Variants in RSF1 observed in about 807,000 individuals in gnomAD.
RSF1 encodes remodeling and spacing factor 1.
RSF1 carries 13 observed loss-of-function variants against 145.2 expected under a neutral mutation model. The ratio of observed to expected loss-of-function variants is 0.09; its 90% confidence interval spans 0.06 to 0.14. The LOEUF (loss-of-function observed/expected upper bound fraction) is 0.14, where lower values mean the gene tolerates loss of function less well. Among genes scored for constraint, RSF1 ranks in the 10% least tolerant of loss-of-function variants. RSF1 has a pLI of 1.00. For synonymous variants in RSF1, 577 were observed against 592.6 expected (o/e 0.97, Z 0.38); for missense variants, 1,517 against 1,718.2 (o/e 0.88, Z 2.07).
intron 3 of RSF1, among the ~76,000 whole-genome samples, chr11:77,745,941 A>C (rs906994433): frequency 6.6e-6 from 1 of 152,016 alleles, no homozygotes; most frequent in Non-Finnish European, 1.5e-5. Flanking sequence ...TATGTATTAT[A>C]TCCACTTTCT....
intron 2 of RSF1, among the ~76,000 whole-genome samples, chr11:77,755,876 G>A (rs992540847): frequency 6.6e-6 from 1 of 152,034 alleles, no homozygotes; most frequent in African/African-American, 2.4e-5. Context: ...GAACTTAATA[G>A]CTGAGCTCTG....
chr11:77,868,701 T>G, the RSF1 span: 35,343 of 182,208 alleles, frequency 0.19, 3,312 homozygotes, highest in African/African-American at 0.23. Context: ...TGTTGTTGTT[T>G]TTTAACACAA....
In RSF1 at chr11:77,675,149, C is replaced by T. The variant is rs1328866981; in HGVS notation, c.3449G>A (p.Arg1150Gln). ...CTGCCTCATTGGCCGAGAGGGGTGT[C>T]GCCTCAGTCTACGGCTACAAAAGTC... The part of the protein sequence containing the change: ...DTDFCSRRLR[R>Q]HPSRPMRQSR... Residue 1150 changes from arginine to glutamine, a missense_variant, in exon 14 of 16, where the codon CGA becomes CAA. Arg to Gln is a conservative substitution (Grantham distance 43). Around this residue, in one of 12 missense-constraint regions of RSF1, gnomAD observed 231 missense variants for 276.6 expected, o/e 0.84. Coordinates refer to ENST00000308488, the MANE Select transcript of RSF1 (RefSeq NM_016578.4). 14 of 1,613,950 alleles carry T rather than the reference C, an allele frequency of 8.7e-6. No homozygotes were observed. The highest frequency in any genetic ancestry group is 1.7e-5 in the Admixed American group (1 of 59,998).
intron 5 of RSF1, 126 bp from the exon 6 acceptor site, chr11:77,702,621 T>C: frequency 2.0e-6 from 1 of 506,810 alleles, no homozygotes; most frequent in Non-Finnish European, 3.1e-6. Context: ...TGTCATTGGA[T>C]ATTTGACAGT....
chr11:77,817,293 T>C (rs10793264), intron 1 of RSF1, among the ~76,000 whole-genome samples: 38,732 of 152,210 alleles, frequency 0.25, 5,647 homozygotes, highest in South Asian at 0.49. Context: ...TGTATTACTG[T>C]TGGGCACTGC....
chr11:77,828,772 A>C, the RSF1 span, among the ~76,000 whole-genome samples: 3 of 152,222 alleles, frequency 2.0e-5, no homozygotes. Flanking sequence ...GGAAGATTTA[A>C]TATTGATAAG....
chr11:77,760,855 G>A (rs547646087), intron 2 of RSF1, among the ~76,000 whole-genome samples: 6 of 151,896 alleles, frequency 4.0e-5, no homozygotes, highest in African/African-American at 4.8e-5. Context: ...ATATGAATAC[G>A]ATCATCTCCT....
At chr11:77,799,559 C>T (rs887098348) in intron 1 of RSF1, among the ~76,000 whole-genome samples, 2 of 151,124 alleles carry the variant, frequency 1.3e-5, no homozygotes, top group Non-Finnish European at 2.9e-5. Context: ...GTAACCATCA[C>T]CACTACATAA....
chr11:77,789,963 C>A (rs993683556), intron 1 of RSF1, among the ~76,000 whole-genome samples: 3 of 152,198 alleles, frequency 2.0e-5, no homozygotes, highest in African/African-American at 7.2e-5. Flanking sequence ...TTGGGAGTGG[C>A]TGGCCCAGTC....
At chr11:77,698,742 T>C (rs1309302669) in intron 6 of RSF1, 49 bp from the exon 7 acceptor site, 1 of 1,486,872 alleles carries the variant, frequency 6.7e-7, no homozygotes, top group Non-Finnish European at 9.4e-7. Context: ...AGAATGTCTT[T>C]TAAAAATCTC....
At chr11:77,674,576 G>C (rs1386068382) in intron 14 of RSF1, among the ~76,000 whole-genome samples, 1 of 152,174 alleles carries the variant, frequency 6.6e-6, no homozygotes, top group Non-Finnish European at 1.5e-5. Context: ...AATCCTACTA[G>C]GCATCTGATA....
chr11:77,672,581 A>G (rs1340200197), intron 14 of RSF1, among the ~76,000 whole-genome samples: 1 of 100,016 alleles, frequency 1.0e-5, no homozygotes, highest in East Asian at 2.9e-4. Flanking sequence ...GTCTCCCTTA[A>G]AAAAAAAAAA....
At position 77,667,789 on chromosome 11, in the gene RSF1, C is replaced by T. The variant is rs530634801; in HGVS notation, c.3752-298G>A. 3.9e-5 allele frequency among the ~76,000 whole-genome samples: 6 copies of T among 151,990 alleles called. No individual in the cohort carries two copies. The East Asian group carries it at 5.8e-4, about 15-fold the overall frequency. ...TGTGATCTTGGCTCACTGCAACCTCCGCCTCCTGGGTTCAAGCGATTCTCC... is the reference window on the plus strand; with the variant it reads ...TGTGATCTTGGCTCACTGCAACCTCTGCCTCCTGGGTTCAAGCGATTCTCC... On this transcript the variant is annotated intron_variant, in intron 15 of 15. Transcript: ENST00000308488.
the RSF1 span, among the ~76,000 whole-genome samples, chr11:77,854,194 G>A: frequency 7.9e-5 from 12 of 151,830 alleles, no homozygotes; most frequent in African/African-American, 1.2e-4. Flanking sequence ...GGGTTTCATC[G>A]TGTTAGCCAG....
chr11:77,765,671 A>G (rs1056628248), intron 1 of RSF1, among the ~76,000 whole-genome samples: 1 of 152,188 alleles, frequency 6.6e-6, no homozygotes, highest in African/African-American at 2.4e-5. Context: ...TCCTCTAACT[A>G]TTATTTAGGC....
rs1227743471 is a variant in RSF1 at position 77,661,691 on chromosome 11, TC to T, written c.*5225del. 1.3e-5 allele frequency: 2 copies of T among 151,776 alleles called. 1 individual carries two copies. The allele number at this position is 151,776 out of a possible 1,614,324, so 9.4% of individuals were successfully genotyped here. ...ATCTACATCCTATTTTAGGGTATTTTCCCACCTCCCATCCCTTAAAAGCTGT... is the reference window on the plus strand; with the variant it reads ...ATCTACATCCTATTTTAGGGTATTTTCCACCTCCCATCCCTTAAAAGCTGT... On this transcript the variant is annotated 3_prime_UTR_variant, in exon 16 of 16. Coordinates refer to ENST00000308488, the MANE Select transcript of RSF1 (RefSeq NM_016578.4).
intron 2 of RSF1, among the ~76,000 whole-genome samples, chr11:77,760,947 C>G (rs1948165080): frequency 6.6e-6 from 1 of 151,952 alleles, no homozygotes; most frequent in Non-Finnish European, 1.5e-5. Flanking sequence ...GAGTCTCGCT[C>G]TGTCACCAGG....
the RSF1 span, among the ~76,000 whole-genome samples, chr11:77,837,212 T>C: frequency 6.6e-6 from 1 of 151,794 alleles, no homozygotes; most frequent in African/African-American, 2.4e-5. Flanking sequence ...CTCAGCTCAC[T>C]GCAACCTCCA....
At chr11:77,805,681 C>G (rs1265010514) in intron 1 of RSF1, among the ~76,000 whole-genome samples, 1 of 152,028 alleles carries the variant, frequency 6.6e-6, no homozygotes, top group African/African-American at 2.4e-5. Flanking sequence ...TTCACAAAAA[C>G]AAGAATTGCA....
Sources: gnomAD v4.1 joint callset for allele counts (sites outside exome capture counted in the v4.1 genomes callset) on GRCh38, gnomAD v4.1.1 for gene constraint, gnomAD v4.1.1 regional missense constraint, MANE v1.5 for transcripts, NCBI Gene and HGNC (gene_info 2026-07-23, HGNC 2026-07-21) for gene names.